The following CLASP2 variants were observed in gnomAD, a reference collection of about 807,000 sequenced individuals.
CLASP2 encodes cytoplasmic linker associated protein 2, also known as CLIP-associating protein 2.
In CLASP2, 47 loss-of-function variants were observed where a neutral mutation model predicts 194.4. The observed-to-expected ratio is 0.24, with a 90% CI of 0.19 to 0.31. The LOEUF (loss-of-function observed/expected upper bound fraction) is 0.31, where lower values mean the gene tolerates loss of function less well. Ranked by LOEUF, CLASP2 falls within the 10% of genes least tolerant of loss-of-function variation. The probability of loss-of-function intolerance (pLI) is 1.00; values close to 1 mark genes in which losing one functional copy is unlikely to be tolerated. For synonymous variants in CLASP2, 619 were observed against 633.5 expected (o/e 0.98, Z 0.34); for missense variants, 1,445 against 1,823.6 (o/e 0.79, Z 3.78).
At position 33,627,005 on chromosome 3, in the gene CLASP2, C is replaced by T; in HGVS notation, c.1018G>A (p.Asp340Asn). ...EILSDDKHDWDQRANALKKIR... is the reference protein window; with the variant it reads ...EILSDDKHDWNQRANALKKIR... ...AAACTTACTGCATTGGCACGCTGATCCCAGTCATGTTTATCATCTGACAAA... is the reference window on the plus strand; with the variant it reads ...AAACTTACTGCATTGGCACGCTGATTCCAGTCATGTTTATCATCTGACAAA... The change falls in exon 10 of 39, where the codon GAT becomes AAT. Residue 340 changes from aspartate (D) to asparagine (N), a missense_variant. Coordinates refer to ENST00000682230, the MANE Select transcript of CLASP2 (RefSeq NM_001365631.1). The T allele has an allele frequency of 6.3e-7, 1 of 1,592,982 alleles. No homozygotes were observed. Among genetic ancestry groups the T allele is most frequent in the Non-Finnish European group, 8.6e-7 (1 of 1,167,468 alleles).
chr3:33,552,967 T>A (rs1478809200), intron 29 of CLASP2, among the ~76,000 whole-genome samples: 3 of 152,316 alleles, frequency 2.0e-5, no homozygotes, highest in Middle Eastern at 3.4e-3. Flanking sequence ...TAGTACACAG[T>A]CCTTGGATAC....
chr3:33,636,693 T>G (rs144852721), intron 8 of CLASP2, among the ~76,000 whole-genome samples: 9,903 of 152,192 alleles, frequency 0.065, 1,027 homozygotes, highest in African/African-American at 0.22. Flanking sequence ...CTCCACCTCC[T>G]GGGTTCAAGC....
chr3:33,664,332 C>T (rs1398384729), intron 6 of CLASP2, among the ~76,000 whole-genome samples: 1 of 151,856 alleles, frequency 6.6e-6, no homozygotes, highest in African/African-American at 2.4e-5. Context: ...ATGATTCATT[C>T]TTAAATTTGT....
At chr3:33,715,670 C>A (rs2125449965) in intron 1 of CLASP2, among the ~76,000 whole-genome samples, 1 of 152,138 alleles carries the variant, frequency 6.6e-6, no homozygotes, top group East Asian at 1.9e-4. Flanking sequence ...AGGAGGCACT[C>A]AAATTTACTA....
chr3:33,704,828 T>TA (rs2092594505), intron 1 of CLASP2, among the ~76,000 whole-genome samples: 2 of 151,930 alleles, frequency 1.3e-5, no homozygotes, highest in African/African-American at 4.8e-5. Context: ...TATTAGTCAT[T>TA]AAAGAAATGC....
chr3:33,518,850 C>A (rs1268287274), intron 34 of CLASP2, among the ~76,000 whole-genome samples: 3 of 152,166 alleles, frequency 2.0e-5, no homozygotes, highest in African/African-American at 7.2e-5. Context: ...CAGATTGTTA[C>A]AAAACTGAAT....
At chr3:33,598,824 T>C (rs2071217214) in intron 18 of CLASP2, among the ~76,000 whole-genome samples, 1 of 152,172 alleles carries the variant, frequency 6.6e-6, no homozygotes, top group African/African-American at 2.4e-5. Context: ...TTAGAATAAA[T>C]ATTCATAAAT....
intron 23 of CLASP2, among the ~76,000 whole-genome samples, chr3:33,576,901 TG>T (rs2065013953): frequency 6.6e-6 from 1 of 151,474 alleles, no homozygotes. Flanking sequence ...TCCACCATTT[TG>T]GTTTTTTTTT....
intron 7 of CLASP2, among the ~76,000 whole-genome samples, chr3:33,656,425 T>C (rs1477455641): frequency 1.3e-5 from 2 of 152,128 alleles, no homozygotes; most frequent in Admixed American, 1.3e-4. Flanking sequence ...TCAGAAAGCA[T>C]AGATGTTTAT....
In CLASP2 at chr3:33,618,806, T is replaced by C. The variant is rs113388498; in HGVS notation, c.1317+797A>G. Among the ~76,000 whole-genome samples the C allele has an allele frequency of 2.0e-3, 303 of 152,268 alleles. 1 individual carries two copies. Among genetic ancestry groups the C allele is most frequent in the African/African-American group, 6.7e-3 (277 of 41,552 alleles). On this transcript the variant is annotated intron_variant, in intron 12 of 38. Coordinates refer to ENST00000682230, the MANE Select transcript of CLASP2 (RefSeq NM_001365631.1). ...GCTAAAGTGATTACTAACAAAGGAA[T>C]AGAATTCAAAGGGAGAGATTTGTTT...
intron 35 of CLASP2, 88 bp from the exon 36 acceptor site, chr3:33,516,239 ATTGGGGGAGGAGTTG>A: frequency 7.9e-7 from 1 of 1,268,330 alleles, no homozygotes; most frequent in Non-Finnish European, 1.1e-6. Context: ...GGGTCTTAAT[ATTGGGGGAGGAGTTG>A]TAGATAACTG....
chr3:33,578,150 T>C (rs2065282600), intron 23 of CLASP2, among the ~76,000 whole-genome samples: 1 of 152,200 alleles, frequency 6.6e-6, no homozygotes. Flanking sequence ...ATCTTTAATT[T>C]ACATTGTTGA....
intron 7 of CLASP2, among the ~76,000 whole-genome samples, chr3:33,652,118 G>A (rs1279475702): frequency 6.6e-6 from 1 of 152,116 alleles, no homozygotes; most frequent in East Asian, 1.9e-4. Flanking sequence ...TTTCTTCAGT[G>A]AAACAAACAG....
chr3:33,595,745 A>C (rs1328657795), intron 19 of CLASP2, among the ~76,000 whole-genome samples: 1 of 152,050 alleles, frequency 6.6e-6, no homozygotes, highest in Non-Finnish European at 1.5e-5. Context: ...GTTCGTTTTT[A>C]AAGGATCCAG....
At chr3:33,554,130 A>C (rs529827049) in intron 29 of CLASP2, among the ~76,000 whole-genome samples, 4 of 152,002 alleles carry the variant, frequency 2.6e-5, no homozygotes, top group Non-Finnish European at 4.4e-5. Context: ...CGGGAGGCTG[A>C]AGCAGGAGAA....
chr3:33,561,025 C>T, intron 27 of CLASP2, 54 bp from the exon 28 acceptor site: 1 of 1,478,420 alleles, frequency 6.8e-7, no homozygotes. Flanking sequence ...ATATTGACCT[C>T]TATGTTCAAT....
At position 33,496,434 on chromosome 3, in the gene CLASP2, T is replaced by C. The variant is rs568594459; in HGVS notation, c.*2197A>G. 1.3e-4 allele frequency: 20 copies of C among 152,210 alleles called. No homozygotes were observed. Among genetic ancestry groups the C allele is most frequent in the Admixed American group, 4.6e-4 (7 of 15,276 alleles). The allele number at this position is 152,210 out of a possible 1,614,324, so 9.4% of individuals were successfully genotyped here. ...GAACAAATTAAGGGTGTATTGTATA[T>C]AGTGATTTAAATAATCAGCTTTCTT... On this transcript the variant is annotated 3_prime_UTR_variant, in exon 39 of 39. Coordinates refer to ENST00000682230, the MANE Select transcript of CLASP2 (RefSeq NM_001365631.1).
intron 20 of CLASP2, 119 bp from the exon 21 acceptor site, chr3:33,592,615 A>G (rs1397908944): frequency 3.8e-6 from 3 of 798,708 alleles, no homozygotes; most frequent in African/African-American, 3.4e-5. Context: ...GTAATCATCA[A>G]TTACGGGTTC....
At chr3:33,577,926 C>T (rs148070728) in intron 23 of CLASP2, among the ~76,000 whole-genome samples, 2,076 of 152,280 alleles carry the variant, frequency 0.014, 30 homozygotes, top group Non-Finnish European at 0.021. Flanking sequence ...TAATCTTAGA[C>T]TTCCTAGTCT....
Sources: allele counts gnomAD v4.1 joint callset (sites outside exome capture counted in the v4.1 genomes callset), GRCh38; gene constraint gnomAD v4.1.1; transcripts MANE v1.5; gene names NCBI Gene and HGNC (gene_info 2026-07-23, HGNC 2026-07-21).